Variants in MYLK observed in about 807,000 individuals in gnomAD.
The protein encoded by MYLK is myosin light chain kinase.
A neutral mutation model predicts 203.4 loss-of-function variants in MYLK; 106 were observed. The observed-to-expected ratio is 0.52, with a 90% CI of 0.45 to 0.61. MYLK has a LOEUF of 0.61. Ranked by LOEUF, MYLK falls within the 20% of genes least tolerant of loss-of-function variation. The probability of loss-of-function intolerance (pLI) is 0.00; values close to 1 mark genes in which losing one functional copy is unlikely to be tolerated. For missense variants in MYLK, 2,072 were observed against 2,442.3 expected (o/e 0.85, Z 3.20); for synonymous variants, 867 against 959.5 (o/e 0.90, Z 1.78).
At chr3:123,665,591 C>T (rs1383041360) in intron 22 of MYLK, among the ~76,000 whole-genome samples, 1 of 152,208 alleles carries the variant, frequency 6.6e-6, no homozygotes, top group East Asian at 1.9e-4. Context: ...CTCTGCTGAT[C>T]ATGCATACAG....
At chr3:123,859,716 C>A (rs1474191695) in intron 2 of MYLK, among the ~76,000 whole-genome samples, 1 of 152,066 alleles carries the variant, frequency 6.6e-6, no homozygotes, top group Non-Finnish European at 1.5e-5. Context: ...CAAGAACAAA[C>A]AATTCACAAA....
intron 5 of MYLK, 96 bp from the exon 6 acceptor site, chr3:123,740,097 G>A: frequency 1.7e-6 from 2 of 1,207,904 alleles, no homozygotes; most frequent in Admixed American, 3.4e-5. Context: ...GGATAGTGAT[G>A]GTGATCATTA....
intron 14 of MYLK, chr3:123,709,126 C>A: frequency 1.4e-5 from 5 of 346,084 alleles, no homozygotes; most frequent in Non-Finnish European, 1.6e-5. Flanking sequence ...TTGGGAAGTT[C>A]TCACATAATT....
intron 23 of MYLK, chr3:123,659,737 C>T (rs756167280): frequency 1.9e-6 from 1 of 515,358 alleles, no homozygotes. Flanking sequence ...TGAGCTTGTC[C>T]TCCACGGCGA....
At chr3:123,699,170 A>G (rs62264594) in intron 18 of MYLK, among the ~76,000 whole-genome samples, 15,844 of 151,902 alleles carry the variant, frequency 0.1, 937 homozygotes, top group South Asian at 0.15. Flanking sequence ...GGCCGGCCTC[A>G]GAGCTCCCAC....
At chr3:123,708,651 C>G (rs759006218) in intron 15 of MYLK, 47 bp downstream of exon 15, 1 of 1,609,018 alleles carries the variant, frequency 6.2e-7, no homozygotes, top group Non-Finnish European at 8.5e-7. Flanking sequence ...TTTGGAGGGG[C>G]TGCAGCAGCA....
intron 13 of MYLK, among the ~76,000 whole-genome samples, chr3:123,720,161 T>C (rs1173018467): frequency 6.6e-6 from 1 of 152,176 alleles, no homozygotes; most frequent in Non-Finnish European, 1.5e-5. Flanking sequence ...AAATCCAAAC[T>C]TCCTTGGCAG....
chr3:123,654,143 TG>T (rs1158250426), intron 24 of MYLK, among the ~76,000 whole-genome samples: 142 of 152,234 alleles, frequency 9.3e-4, no homozygotes, highest in African/African-American at 3.4e-3. Context: ...CACGTCTCCG[TG>T]ACTTGCACCA....
intron 19 of MYLK, among the ~76,000 whole-genome samples, chr3:123,683,320 G>A (rs820367): frequency 0.51 from 76,044 of 149,192 alleles, 24,415 homozygotes; most frequent in Non-Finnish European, 0.73. Flanking sequence ...CTTTCCAGCA[G>A]AGGCTCCGCC....
chr3:123,765,100 G>A (rs1209659060), intron 4 of MYLK, among the ~76,000 whole-genome samples: 1 of 152,156 alleles, frequency 6.6e-6, no homozygotes, highest in East Asian at 1.9e-4. Flanking sequence ...TGGAGAAATT[G>A]GAACCGTCGC....
intron 31 of MYLK, 39 bp downstream of exon 31, chr3:123,626,779 G>A (rs2058167784): frequency 6.2e-7 from 1 of 1,613,734 alleles, no homozygotes; most frequent in South Asian, 1.1e-5. Flanking sequence ...ACACAAATAT[G>A]AGGGGCAACA....
intron 11 of MYLK, among the ~76,000 whole-genome samples, chr3:123,727,357 C>A (rs527550649): frequency 3.3e-5 from 5 of 152,196 alleles, no homozygotes; most frequent in African/African-American, 1.2e-4. Context: ...TAGAGAAATG[C>A]CTTTGGGAGT....
intron 4 of MYLK, among the ~76,000 whole-genome samples, chr3:123,762,618 A>C (rs57138407): frequency 0.059 from 9,002 of 152,274 alleles, 854 homozygotes; most frequent in African/African-American, 0.2. Context: ...AAACTTAATC[A>C]TCAATGCTAC....
At chr3:123,770,300 G>C (rs1299318404) in intron 4 of MYLK, among the ~76,000 whole-genome samples, 1 of 152,116 alleles carries the variant, frequency 6.6e-6, no homozygotes, top group Non-Finnish European at 1.5e-5. Flanking sequence ...TTCCAGCCTG[G>C]GCAATAAGAG....
At chr3:123,699,419 G>A (rs374573678) in intron 18 of MYLK, among the ~76,000 whole-genome samples, 10 of 152,320 alleles carry the variant, frequency 6.6e-5, no homozygotes, top group African/African-American at 9.6e-5. Flanking sequence ...CTGTCTGCCC[G>A]TGAGTGTGTG....
In MYLK at chr3:123,725,654, T is replaced by C. The variant is rs755110390; in HGVS notation, c.1651+290A>G. Among the ~76,000 whole-genome samples, 3 of 152,192 alleles carry C rather than the reference T, an allele frequency of 2.0e-5. No individual in the cohort carries two copies. The South Asian group carries it at 6.2e-4, about 31-fold the overall frequency. ...TGCCCCTATGTGTCAGGCATCTCAT[T>C]AACCACTTTATAGAAATAATCTAAT... On this transcript the variant is annotated intron_variant, in intron 12 of 33. Transcript: ENST00000360304.
In MYLK at chr3:123,826,295, G is replaced by C. The variant is rs2066116308; in HGVS notation, c.-4+5253C>G. 3.3e-5 allele frequency among the ~76,000 whole-genome samples: 5 copies of C among 152,198 alleles called. No homozygotes were observed. In the South Asian group the frequency reaches 1.0e-3, roughly 31 times the overall value. The stretch of plus-strand genomic sequence containing the variant: ...GCCACCACACCAGTTGAGCAGTCTT[G>C]CACCTGCATCCTGGGCCTAATAAGC... On this transcript the variant is annotated intron_variant, in intron 3 of 33. Coordinates refer to ENST00000360304, the MANE Select transcript of MYLK (RefSeq NM_053025.4).
intron 2 of MYLK, among the ~76,000 whole-genome samples, chr3:123,847,490 T>C (rs547130810): frequency 7.4e-4 from 112 of 152,286 alleles, no homozygotes; most frequent in Middle Eastern, 3.4e-3. Context: ...TATGACTTTA[T>C]TGAAAGCGAG....
chr3:123,837,496 T>C (rs2066501601), intron 2 of MYLK, among the ~76,000 whole-genome samples: 1 of 147,764 alleles, frequency 6.8e-6, no homozygotes. Context: ...AATTATATAT[T>C]ATATATATTA....
Sources: gnomAD v4.1 joint callset for allele counts (sites outside exome capture counted in the v4.1 genomes callset) on GRCh38, gnomAD v4.1.1 for gene constraint, MANE v1.5 for transcripts, NCBI Gene and HGNC (gene_info 2026-07-23, HGNC 2026-07-21) for gene names.